MYO9A: variants seen among roughly 807,000 people sequenced by gnomAD.
MYO9A encodes the protein unconventional myosin-IXa.
MYO9A carries 103 observed loss-of-function variants against 293.3 expected under a neutral mutation model. The observed-to-expected ratio is 0.35, with a 90% confidence interval of 0.30 to 0.41. MYO9A has a LOEUF of 0.41. MYO9A is among the 10% of genes least tolerant of loss of function. The pLI is 1.00. For synonymous variants in MYO9A, 1,001 were observed against 1,035.7 expected (o/e 0.97, Z 0.64); for missense variants, 2,685 against 3,033.0 (o/e 0.89, Z 2.69).
In MYO9A at chr15:72,097,443, A is replaced by G. The variant is rs535077484; in HGVS notation, c.-72+20237T>C. Among the ~76,000 whole-genome samples the G allele has an allele frequency of 3.3e-5, 5 of 152,356 alleles. No individual in the cohort carries two copies. The South Asian group carries it at 6.2e-4, about 19-fold the overall frequency. On this transcript the variant is annotated intron_variant, in intron 1 of 41. Transcript: ENST00000356056. ...ATTTTTGTAGACATGGTGCTATTAT[A>G]CACTTTAAATAGACTATAGTACAGT...
chr15:71,830,295 C>T lies in MYO9A; in HGVS notation c.6854G>A (p.Arg2285His), dbSNP rs779156758. Reference protein sequence around the residue: ...IRRSMGKGRIRRGNYPGPSSP... With the variant: ...IRRSMGKGRIHRGNYPGPSSP... Reference sequence around the variant, plus strand: ...CGATGGACCTGGATAGTTTCCTCGACGAATACGCCCCTTTCCCTGCAGAGA... The same window carrying T: ...CGATGGACCTGGATAGTTTCCTCGATGAATACGCCCCTTTCCCTGCAGAGA... Residue 2285 changes from arginine (R) to histidine (H), a missense_variant, in exon 40 of 42, where the codon CGT becomes CAT. By Grantham distance (29) the Arg-to-His change is conservative. This residue lies in a region of MYO9A where 350 missense variants were observed against 328.9 expected (regional missense o/e 1.06). Coordinates refer to ENST00000356056, the MANE Select transcript of MYO9A (RefSeq NM_006901.4). 23 of 1,613,388 alleles carry T rather than the reference C, an allele frequency of 1.4e-5. No homozygotes were observed. Among genetic ancestry groups the T allele is most frequent in the Middle Eastern group, 1.7e-4 (1 of 5,928 alleles).
chr15:71,928,064 T>C, intron 18 of MYO9A, among the ~76,000 whole-genome samples: 1 of 9,826 alleles, frequency 1.0e-4, no homozygotes, highest in African/African-American at 2.3e-4. Flanking sequence ...ATATTTTTTT[T>C]TTTTTTTTTT....
intron 34 of MYO9A, among the ~76,000 whole-genome samples, chr15:71,856,098 G>T (rs149102014): frequency 1.4e-3 from 211 of 152,128 alleles, no homozygotes; most frequent in African/African-American, 4.6e-3. Context: ...ATCACCTAAG[G>T]TCAGGAGTTC....
intron 1 of MYO9A, among the ~76,000 whole-genome samples, chr15:72,070,976 C>A (rs567581893): frequency 6.6e-6 from 1 of 152,134 alleles, no homozygotes; most frequent in South Asian, 2.1e-4. Flanking sequence ...AAAAAAAATT[C>A]ATCTGAACAT....
chr15:71,928,457 A>AT (rs1157803949), intron 18 of MYO9A, among the ~76,000 whole-genome samples: 3 of 151,266 alleles, frequency 2.0e-5, no homozygotes, highest in African/African-American at 4.9e-5. Context: ...GAATTTCAGG[A>AT]TTTTTTTTAT....
At chr15:71,989,184 C>G (rs902696487) in intron 11 of MYO9A, among the ~76,000 whole-genome samples, 2 of 151,930 alleles carry the variant, frequency 1.3e-5, no homozygotes, top group Admixed American at 6.5e-5. Flanking sequence ...GCCACCACTC[C>G]CAGCCAAAAG....
intron 1 of MYO9A, among the ~76,000 whole-genome samples, chr15:72,100,978 A>AGCCCCCC (rs1339819976): frequency 8.5e-6 from 1 of 118,218 alleles, no homozygotes; most frequent in East Asian, 3.0e-4. Context: ...TGGGGGGGTC[A>AGCCCCCC]GCCCCCCGCC....
chr15:71,888,992 A>G (rs980830845), intron 26 of MYO9A, among the ~76,000 whole-genome samples: 2 of 152,202 alleles, frequency 1.3e-5, no homozygotes, highest in Non-Finnish European at 2.9e-5. Context: ...AGATGGGAAA[A>G]AAGGGAAGTA....
chr15:71,943,799 T>C (rs866248943), intron 15 of MYO9A, among the ~76,000 whole-genome samples: 39 of 152,258 alleles, frequency 2.6e-4, no homozygotes, highest in African/African-American at 9.1e-4. Flanking sequence ...GCTTTGAGGA[T>C]AGGCCTTCCC....
At chr15:72,093,311 T>C (rs1480342650) in intron 1 of MYO9A, among the ~76,000 whole-genome samples, 2 of 152,040 alleles carry the variant, frequency 1.3e-5, no homozygotes, top group Non-Finnish European at 2.9e-5. Context: ...GCTGATCACT[T>C]GAGCCCAGGA....
chr15:71,971,200 T>G (rs1320223852), intron 12 of MYO9A, among the ~76,000 whole-genome samples: 2 of 151,656 alleles, frequency 1.3e-5, no homozygotes, highest in Non-Finnish European at 2.9e-5. Flanking sequence ...ACATTCTCAT[T>G]ATTGGGTTAA....
At chr15:72,077,771 A>T (rs1301993566) in intron 1 of MYO9A, among the ~76,000 whole-genome samples, 1 of 144,916 alleles carries the variant, frequency 6.9e-6, no homozygotes, top group Non-Finnish European at 1.5e-5. Flanking sequence ...ATATATATAT[A>T]TATATATATA....
chr15:71,933,817 T>C, intron 17 of MYO9A, 108 bp from the exon 18 acceptor site: 1 of 872,754 alleles, frequency 1.1e-6, no homozygotes, highest in South Asian at 1.5e-5. Flanking sequence ...ACAGATTATA[T>C]ACCCATTACC....
chr15:71,954,726 T>C (rs1275367836), intron 14 of MYO9A, among the ~76,000 whole-genome samples: 2 of 152,198 alleles, frequency 1.3e-5, no homozygotes, highest in African/African-American at 2.4e-5. Context: ...AGGCTCCTCA[T>C]TTTTTCTTAT....
Position 71,901,161 on chromosome 15 carries a change from A to G in MYO9A, c.3150+30T>C, listed in dbSNP as rs372776039. The G allele has an allele frequency of 3.1e-6, 5 of 1,593,600 alleles. No individual in the cohort carries two copies. The African/African-American group carries it at 5.4e-5, about 17-fold the overall frequency. ...AAACAAAGGCCAAATAAACTAGTCA[A>G]TCTCATGCAAAGAATCCTTTGCTTC... On this transcript the variant is annotated intron_variant, in intron 23 of 41. Transcript: ENST00000356056.
intron 34 of MYO9A, among the ~76,000 whole-genome samples, chr15:71,857,428 A>T (rs1430557200): frequency 6.6e-6 from 1 of 152,182 alleles, no homozygotes; most frequent in Non-Finnish European, 1.5e-5. Context: ...TTTCACAAAG[A>T]CCCAGATTAA....
At chr15:72,000,533 A>C (rs368666976) in intron 8 of MYO9A, among the ~76,000 whole-genome samples, 10 of 152,348 alleles carry the variant, frequency 6.6e-5, no homozygotes, top group African/African-American at 2.2e-4. Flanking sequence ...TACATGTATT[A>C]AATATGTTCA....
chr15:71,837,260 C>T (rs1376057211), intron 39 of MYO9A, among the ~76,000 whole-genome samples: 1 of 151,942 alleles, frequency 6.6e-6, no homozygotes, highest in East Asian at 1.9e-4. Flanking sequence ...AACTAAAACA[C>T]TTAATGGGAT....
In MYO9A at chr15:71,910,152, G is replaced by A. The variant is rs371752136; in HGVS notation, c.2686-5146C>T. Among the ~76,000 whole-genome samples the A allele has an allele frequency of 8.0e-5, 4 of 50,020 alleles. 1 individual carries two copies. The highest frequency in any genetic ancestry group is 3.2e-4 in the Admixed American group (1 of 3,132). 32.8% of individuals were successfully genotyped at this position (50,020 alleles called of 152,430 possible). A position where few individuals can be genotyped will look rare whatever the true frequency, so the allele number is the denominator to read the frequency against. Reference sequence around the variant, plus strand: ...CGTGTATATATATATACGTGTGTGTGTATATATATATACGTGTATATATAT... The same window carrying A: ...CGTGTATATATATATACGTGTGTGTATATATATATATACGTGTATATATAT... On this transcript the variant is annotated intron_variant, in intron 19 of 41. Coordinates refer to ENST00000356056, the MANE Select transcript of MYO9A (RefSeq NM_006901.4).
Sources: allele counts gnomAD v4.1 joint callset (sites outside exome capture counted in the v4.1 genomes callset), GRCh38; gene constraint gnomAD v4.1.1; regional missense constraint gnomAD v4.1.1; transcripts MANE v1.5; gene names NCBI Gene and HGNC (gene_info 2026-07-23, HGNC 2026-07-21).